CTNNA3: variants seen among roughly 807,000 people sequenced by gnomAD.
The protein encoded by CTNNA3 is catenin alpha-3.
Under a neutral mutation model 95.7 loss-of-function variants are expected in CTNNA3, and 76 were observed. That is an observed-to-expected ratio of 0.79 (90% CI 0.66 to 0.96). CTNNA3 has a LOEUF of 0.96. Ranked by LOEUF, CTNNA3 falls within the 40% of genes least tolerant of loss-of-function variation. CTNNA3 has a pLI of 0.00. For synonymous variants in CTNNA3, 431 were observed against 374.4 expected (o/e 1.15, Z -1.74); for missense variants, 1,191 against 1,089.8 (o/e 1.09, Z -1.31).
intron 7 of CTNNA3, among the ~76,000 whole-genome samples, chr10:67,075,422 G>C (rs1856697873): frequency 6.6e-6 from 1 of 152,160 alleles, no homozygotes; most frequent in Non-Finnish European, 1.5e-5. Flanking sequence ...AGGTAAATGA[G>C]AGCAGAGTTG....
chr10:66,964,495 C>T (rs7914124), intron 7 of CTNNA3, among the ~76,000 whole-genome samples: 141,955 of 152,216 alleles, frequency 0.93, 66,757 homozygotes, highest in East Asian at 1. Context: ...ATTCATAAAT[C>T]AGGGACCAGG....
At chr10:67,390,004 A>G (rs1399566653) in intron 5 of CTNNA3, among the ~76,000 whole-genome samples, 7 of 151,884 alleles carry the variant, frequency 4.6e-5, no homozygotes, top group Non-Finnish European at 1.5e-5. Context: ...AAGAACTAGA[A>G]AAGCAAGAGC....
intron 17 of CTNNA3, among the ~76,000 whole-genome samples, chr10:65,933,689 A>C (rs2133152902): frequency 6.6e-6 from 1 of 152,324 alleles, no homozygotes; most frequent in South Asian, 2.1e-4. Flanking sequence ...CAAGGTCTAA[A>C]GTATTTTTAA....
intron 10 of CTNNA3, among the ~76,000 whole-genome samples, chr10:66,592,128 T>C (rs1209328700): frequency 2.0e-5 from 3 of 151,916 alleles, no homozygotes; most frequent in Admixed American, 6.6e-5. Context: ...GACTCATGAC[T>C]CAACCATCCA....
intron 5 of CTNNA3, among the ~76,000 whole-genome samples, chr10:67,257,224 T>C (rs16924296): frequency 0.033 from 5,070 of 152,300 alleles, 193 homozygotes; most frequent in South Asian, 0.18. Flanking sequence ...TAGCTATAAT[T>C]CCGAGCCTGT....
At chr10:66,540,349 G>A (rs974801009) in intron 10 of CTNNA3, among the ~76,000 whole-genome samples, 2 of 152,108 alleles carry the variant, frequency 1.3e-5, no homozygotes. Flanking sequence ...TAGTTTAGAC[G>A]AGTTAACTTC....
chr10:66,819,881 T>C (rs1398993841), intron 7 of CTNNA3, among the ~76,000 whole-genome samples: 1 of 152,130 alleles, frequency 6.6e-6, no homozygotes, highest in Non-Finnish European at 1.5e-5. Flanking sequence ...ACATCACTGA[T>C]GGGAATGTAA....
intron 17 of CTNNA3, among the ~76,000 whole-genome samples, chr10:65,946,840 CA>C (rs11338218): frequency 0.34 from 52,137 of 151,684 alleles, 9,379 homozygotes; most frequent in Admixed American, 0.44. Context: ...TTAATCTTGC[CA>C]AAAAAATGAC....
At chr10:67,088,863 G>A (rs973824152) in intron 7 of CTNNA3, among the ~76,000 whole-genome samples, 1 of 151,728 alleles carries the variant, frequency 6.6e-6, no homozygotes, top group African/African-American at 2.4e-5. Flanking sequence ...CATATCCATA[G>A]GTTCTACATC....
chr10:66,470,506 T>C (rs1839087713), intron 11 of CTNNA3, among the ~76,000 whole-genome samples: 1 of 151,948 alleles, frequency 6.6e-6, no homozygotes, highest in African/African-American at 2.4e-5. Flanking sequence ...AGTGGATAGT[T>C]GGAATCATCC....
rs554656666 is a variant in CTNNA3, at chr10:65,949,934, T to A, written c.2400+16678A>T. On this transcript the variant is annotated intron_variant, in intron 17 of 17. Transcript: ENST00000433211. ...CATCAGAGTGGGTGGAGACTGGAAA[T>A]GTTGTTAAACACTCTACAATGTTCA... Among the ~76,000 whole-genome samples the A allele has an allele frequency of 2.6e-5, 4 of 152,174 alleles. No individual in the cohort carries two copies. The South Asian group carries it at 8.3e-4, about 32-fold the overall frequency.
intron 1 of CTNNA3, among the ~76,000 whole-genome samples, chr10:67,760,737 G>A (rs894331017): frequency 4.6e-5 from 7 of 152,022 alleles, no homozygotes; most frequent in African/African-American, 1.7e-4. Context: ...ATTCTCATAG[G>A]AGCATGAACC....
At chr10:67,079,550 T>G (rs1287984844) in intron 7 of CTNNA3, among the ~76,000 whole-genome samples, 1 of 151,950 alleles carries the variant, frequency 6.6e-6, no homozygotes, top group Admixed American at 6.6e-5. Context: ...AGATAAAACA[T>G]AACAATAAGA....
At chr10:66,225,561 ATACACT>A (rs1168228676) in intron 13 of CTNNA3, among the ~76,000 whole-genome samples, 1 of 151,358 alleles carries the variant, frequency 6.6e-6, no homozygotes, top group African/African-American at 2.4e-5. Flanking sequence ...TATCTTTCTG[ATACACT>A]TACTTTATTT....
chr10:67,550,192 C>G (rs1421328516), intron 3 of CTNNA3, among the ~76,000 whole-genome samples: 1 of 152,126 alleles, frequency 6.6e-6, no homozygotes, highest in South Asian at 2.1e-4. Flanking sequence ...AAATTTGACC[C>G]AGCAGTCTTT....
At chr10:66,294,392 A>G (rs1463695685) in intron 12 of CTNNA3, among the ~76,000 whole-genome samples, 1 of 152,190 alleles carries the variant, frequency 6.6e-6, no homozygotes, top group African/African-American at 2.4e-5. Flanking sequence ...CCCACACTCA[A>G]TCGCTGTTAC....
intron 13 of CTNNA3, among the ~76,000 whole-genome samples, chr10:66,201,789 T>TTTC (rs924182634): frequency 1.9e-4 from 27 of 141,462 alleles, no homozygotes; most frequent in African/African-American, 6.3e-4. Flanking sequence ...TTTTCTTTTT[T>TTTC]TTTTTTTTTT....
intron 11 of CTNNA3, among the ~76,000 whole-genome samples, chr10:66,418,499 T>C (rs546117356): frequency 1.3e-5 from 2 of 151,204 alleles, no homozygotes; most frequent in East Asian, 2.0e-4. Flanking sequence ...AGGGGACTGA[T>C]TTCTTCCTAA....
chr10:67,071,381 T>C (rs560900911), intron 7 of CTNNA3, among the ~76,000 whole-genome samples: 3 of 151,298 alleles, frequency 2.0e-5, no homozygotes, highest in Admixed American at 1.3e-4. Flanking sequence ...TTTCAATAGA[T>C]ATATTTGTAT....
Sources: allele counts gnomAD v4.1 joint callset (sites outside exome capture counted in the v4.1 genomes callset), GRCh38; gene constraint gnomAD v4.1.1; transcripts MANE v1.5; gene names NCBI Gene and HGNC (gene_info 2026-07-23, HGNC 2026-07-21).